The following DLG2 variants were observed in gnomAD, a reference collection of about 807,000 sequenced individuals.
DLG2 encodes disks large homolog 2.
A neutral mutation model predicts 132.5 loss-of-function variants in DLG2; 45 were observed. The ratio of observed to expected loss-of-function variants is 0.34; its 90% CI spans 0.27 to 0.44. The LOEUF is 0.44. DLG2 is among the 20% of genes least tolerant of loss of function. DLG2 has a pLI of 1.00. For synonymous variants in DLG2, 424 were observed against 419.6 expected, an observed-to-expected ratio of 1.01 and a Z score of -0.13; for missense variants, 1,045 against 1,196.9, an observed-to-expected ratio of 0.87 and a Z score of 1.87.
chr11:84,967,392 A>G (rs1402411599), intron 6 of DLG2, among the ~76,000 whole-genome samples: 1 of 152,136 alleles, frequency 6.6e-6, no homozygotes, highest in Non-Finnish European at 1.5e-5. Context: ...CTGATAGAAG[A>G]GACTACAAAA....
At chr11:84,751,302 C>A (rs950400415) in intron 6 of DLG2, among the ~76,000 whole-genome samples, 5 of 151,982 alleles carry the variant, frequency 3.3e-5, no homozygotes, top group African/African-American at 1.2e-4. Flanking sequence ...CTCAAAAGAA[C>A]AAATATGAGG....
chr11:84,460,105 T>C (rs548714130), intron 7 of DLG2, among the ~76,000 whole-genome samples: 7 of 150,650 alleles, frequency 4.6e-5, no homozygotes, highest in East Asian at 3.9e-4. Context: ...AGGATTAATA[T>C]GTTTTAGAAT....
intron 3 of DLG2, among the ~76,000 whole-genome samples, chr11:85,499,756 G>A (rs182625188): frequency 4.6e-5 from 7 of 152,242 alleles, no homozygotes; most frequent in African/African-American, 9.6e-5. Flanking sequence ...CCATGATCAC[G>A]TCTGCTTCAT....
intron 3 of DLG2, among the ~76,000 whole-genome samples, chr11:85,356,291 G>C (rs936394640): frequency 1.3e-5 from 2 of 151,888 alleles, no homozygotes; most frequent in African/African-American, 4.8e-5. Context: ...TTCCTCTTCA[G>C]AGGCATTTTT....
intron 15 of DLG2, among the ~76,000 whole-genome samples, chr11:83,889,441 A>G (rs1422476356): frequency 6.6e-6 from 1 of 152,186 alleles, no homozygotes; most frequent in Non-Finnish European, 1.5e-5. Flanking sequence ...GCCAATCATC[A>G]AAAAGTCAGG....
intron 18 of DLG2, among the ~76,000 whole-genome samples, chr11:83,641,464 T>C (rs1206579731): frequency 6.6e-6 from 1 of 152,210 alleles, no homozygotes; most frequent in East Asian, 1.9e-4. Context: ...CTCTTCTTTT[T>C]CTAGTTTTCC....
intron 5 of DLG2, among the ~76,000 whole-genome samples, chr11:85,135,298 G>GTAACTTTT (rs1373212311): frequency 1.3e-5 from 2 of 152,172 alleles, no homozygotes; most frequent in Non-Finnish European, 2.9e-5. Flanking sequence ...ACTTTCAATA[G>GTAACTTTT]CAACATTAAA....
At chr11:84,858,659 T>A (rs2083123808) in intron 6 of DLG2, among the ~76,000 whole-genome samples, 1 of 152,072 alleles carries the variant, frequency 6.6e-6, no homozygotes, top group Non-Finnish European at 1.5e-5. Flanking sequence ...CATGTTTTTG[T>A]GAATTAGACA....
At chr11:84,602,818 A>G (rs1459338444) in intron 6 of DLG2, among the ~76,000 whole-genome samples, 1 of 152,002 alleles carries the variant, frequency 6.6e-6, no homozygotes, top group African/African-American at 2.4e-5. Context: ...CACCTCAAAC[A>G]TTAATTCATT....
At chr11:85,040,270 T>A (rs887655703) in intron 6 of DLG2, among the ~76,000 whole-genome samples, 1 of 151,840 alleles carries the variant, frequency 6.6e-6, no homozygotes, top group Non-Finnish European at 1.5e-5. Context: ...CTCAATCAAT[T>A]CAAAACACAA....
intron 6 of DLG2, among the ~76,000 whole-genome samples, chr11:84,791,818 G>A (rs959644257): frequency 6.6e-5 from 10 of 151,978 alleles, no homozygotes; most frequent in East Asian, 1.9e-4. Flanking sequence ...TATCAGTTCC[G>A]ATAGCTCTTT....
At position 84,431,686 on chromosome 11, in the gene DLG2, A is replaced by G. The variant is rs543326653; in HGVS notation, c.519+102884T>C. Among the ~76,000 whole-genome samples the G allele has an allele frequency of 3.5e-4, 54 of 152,290 alleles. 1 individual carries two copies. The South Asian group carries it at 0.011, about 30-fold the overall frequency. On this transcript the variant is annotated intron_variant, in intron 7 of 27. Coordinates refer to ENST00000376104, the MANE Select transcript of DLG2 (RefSeq NM_001142699.3). ...CTGTATGAAAACTATTATTAATATT[A>G]CCAGATAAATAAAAATAATTTGATA...
intron 6 of DLG2, among the ~76,000 whole-genome samples, chr11:84,606,839 A>G (rs914277337): frequency 3.9e-5 from 6 of 152,116 alleles, no homozygotes; most frequent in Non-Finnish European, 7.4e-5. Context: ...CTGGTGGTGT[A>G]GTATCAATTC....
chr11:85,450,448 C>T (rs2092197136), intron 3 of DLG2, among the ~76,000 whole-genome samples: 1 of 152,170 alleles, frequency 6.6e-6, no homozygotes, highest in Non-Finnish European at 1.5e-5. Context: ...CAAATGCCCT[C>T]TAGATAGCTA....
At chr11:85,502,980 A>T (rs2153133582) in intron 3 of DLG2, among the ~76,000 whole-genome samples, 1 of 152,260 alleles carries the variant, frequency 6.6e-6, no homozygotes, top group African/African-American at 2.4e-5. Flanking sequence ...ATAGAATGAT[A>T]TATACCAATA....
At chr11:84,554,033 AG>A (rs2099407019) in intron 6 of DLG2, among the ~76,000 whole-genome samples, 1 of 152,206 alleles carries the variant, frequency 6.6e-6, no homozygotes, top group African/African-American at 2.4e-5. Context: ...TATTCATCAC[AG>A]AAAGTCCAAT....
In DLG2 at chr11:83,988,821, AT is replaced by A. The variant is rs1266903670; in HGVS notation, c.920-8180del. Among the ~76,000 whole-genome samples the A allele has an allele frequency of 6.6e-5, 10 of 151,934 alleles. No homozygotes were observed. The East Asian group carries it at 1.7e-3, about 27-fold the overall frequency. On this transcript the variant is annotated intron_variant, in intron 11 of 27. Transcript: ENST00000376104. ...TTAATGCTGTCCCCTGACTATATAT[AT>A]TTTTTTCCTTATCCTGCTCTAGTTT...
At chr11:84,784,569 T>G (rs1046643939) in intron 6 of DLG2, among the ~76,000 whole-genome samples, 1 of 152,058 alleles carries the variant, frequency 6.6e-6, no homozygotes, top group African/African-American at 2.4e-5. Flanking sequence ...CAGATTATTT[T>G]GAAGCAAAAT....
intron 7 of DLG2, among the ~76,000 whole-genome samples, chr11:84,320,385 A>C (rs2098397855): frequency 6.6e-6 from 1 of 152,236 alleles, no homozygotes; most frequent in African/African-American, 2.4e-5. Flanking sequence ...GAAAATATTA[A>C]TAATAAAAGG....
Sources: allele counts gnomAD v4.1 joint callset (sites outside exome capture counted in the v4.1 genomes callset), GRCh38; gene constraint gnomAD v4.1.1; transcripts MANE v1.5; gene names NCBI Gene and HGNC (gene_info 2026-07-23, HGNC 2026-07-21).